The following ZDHHC22 variants were observed in gnomAD, a reference collection of about 807,000 sequenced individuals.
The protein encoded by ZDHHC22 is palmitoyltransferase ZDHHC22.
Under a neutral mutation model 17.0 loss-of-function variants are expected in ZDHHC22, and 13 were observed. That is an observed-to-expected ratio of 0.76 (90% CI 0.50 to 1.21). The LOEUF (loss-of-function observed/expected upper bound fraction) is 1.21. Ranked by LOEUF, ZDHHC22 falls within the 50% of genes most tolerant of loss-of-function variation. The pLI, the probability that ZDHHC22 is intolerant of heterozygous loss-of-function variation, is 0.00. For synonymous variants in ZDHHC22, 138 were observed against 154.7 expected, an observed-to-expected ratio of 0.89 and a Z score of 0.80; for missense variants, 319 against 342.3, an observed-to-expected ratio of 0.93 and a Z score of 0.54.
chr14:77,137,100 G>C (rs1887150370), intron 2 of ZDHHC22, among the ~76,000 whole-genome samples: 1 of 152,184 alleles, frequency 6.6e-6, no homozygotes. Context: ...TTCGGATTGA[G>C]GGTTGGGGAA....
intron 2 of ZDHHC22, among the ~76,000 whole-genome samples, chr14:77,138,992 A>G (rs1221176643): frequency 6.6e-6 from 1 of 152,268 alleles, no homozygotes; most frequent in African/African-American, 2.4e-5. Context: ...TGCATTTCAG[A>G]TAGCCAATAG....
intron 2 of ZDHHC22, among the ~76,000 whole-genome samples, chr14:77,135,186 C>G (rs534257774): frequency 5.3e-5 from 1 of 19,036 alleles, no homozygotes; most frequent in East Asian, 9.4e-3. Flanking sequence ...ATCACCTCCT[C>G]TGGTGGGGGG....
rs75165666 is a variant in ZDHHC22 at position 77,138,154 on chromosome 14, G to A, written c.526+1059C>T. Reference sequence around the variant, plus strand: ...GGGTAGGGAGGAAGTGGAAGGAAACGCAGTAGGAGCCAGTCTCAAGGCCAA... The same window carrying A: ...GGGTAGGGAGGAAGTGGAAGGAAACACAGTAGGAGCCAGTCTCAAGGCCAA... On this transcript the variant is annotated intron_variant, in intron 2 of 2. Coordinates refer to ENST00000319374, the MANE Select transcript of ZDHHC22 (RefSeq NM_174976.2). 2.1e-3 allele frequency among the ~76,000 whole-genome samples: 318 copies of A among 152,300 alleles called. 1 individual carries two copies. The highest frequency in any genetic ancestry group is 7.3e-3 in the African/African-American group (302 of 41,562).
Position 77,136,890 on chromosome 14 carries a change from C to T in ZDHHC22, c.526+2323G>A, listed in dbSNP as rs1358192839. 3.9e-5 allele frequency among the ~76,000 whole-genome samples: 6 copies of T among 152,232 alleles called. No individual in the cohort carries two copies. In the East Asian group the frequency reaches 1.2e-3, roughly 29 times the overall value. ...GGCTCAAGCAATTCTCTCACCTCAGCCTCCTGAGTAGCTGGGAAAACAGGC... is the reference window on the plus strand; with the variant it reads ...GGCTCAAGCAATTCTCTCACCTCAGTCTCCTGAGTAGCTGGGAAAACAGGC... On this transcript the variant is annotated intron_variant, in intron 2 of 2. Coordinates refer to ENST00000319374, the MANE Select transcript of ZDHHC22 (RefSeq NM_174976.2).
At position 77,139,707 on chromosome 14, in the gene ZDHHC22, G is replaced by T; in HGVS notation, c.32C>A (p.Ala11Asp). The T allele has an allele frequency of 6.6e-7, 1 of 1,522,210 alleles. No homozygotes were observed. Among genetic ancestry groups the T allele is most frequent in the Non-Finnish European group, 8.8e-7 (1 of 1,135,286 alleles). The allele number at this position is 1,522,210 out of a possible 1,614,324, so 94.3% of individuals were successfully genotyped here. A position where few individuals can be genotyped will look rare whatever the true frequency, so the allele number is the denominator to read the frequency against. MLALRLLNVV[A>D]PAYFLCISLV... ...GGAGATGCACAAGAAGTAGGCGGGG[G>T]CCACCACGTTGAGCAGCCGCAGGGC... The change falls in exon 2 of 3, where the codon GCC becomes GAC. Residue 11 changes from alanine to aspartate, a missense_variant. Physicochemically the swap from Ala to Asp is moderately radical, Grantham distance 126 (BLOSUM62 -2). Transcript: ENST00000319374.
rs1594832376 is a variant in ZDHHC22, at chr14:77,140,919, C to G, written c.-15+684G>C. On this transcript the variant is annotated intron_variant, in intron 1 of 2. Coordinates refer to ENST00000319374, the MANE Select transcript of ZDHHC22 (RefSeq NM_174976.2). The surrounding 1 kb of genome is among the most constrained non-coding windows in gnomAD (Gnocchi z 5.9). The stretch of plus-strand genomic sequence containing the variant: ...TTCCAGGGGCTAAGGAATCGGCCAG[C>G]CGGAGGCGCGAGAAAAGTTCTGGGA... The G allele has an allele frequency of 6.6e-6, 1 of 152,306 alleles. No individual in the cohort carries two copies. The highest frequency in any genetic ancestry group is 1.9e-4 in the East Asian group (1 of 5,166). The allele number at this position is 152,306 out of a possible 1,614,324, so 9.4% of individuals were successfully genotyped here.
At position 77,141,775 on chromosome 14, in the gene ZDHHC22, G is replaced by C. The variant is rs1887261626; in HGVS notation, c.-187C>G. On this transcript the variant is annotated 5_prime_UTR_variant, in exon 1 of 3. Coordinates refer to ENST00000319374, the MANE Select transcript of ZDHHC22 (RefSeq NM_174976.2). The stretch of plus-strand genomic sequence containing the variant: ...CGGGCAGCTGCTGGCTTCCCACTTG[G>C]GCGCCAGCGAGTAAGGGCCAGGAAG... 1 of 152,282 alleles carries C rather than the reference G, an allele frequency of 6.6e-6. No individual in the cohort carries two copies. The highest frequency in any genetic ancestry group is 1.5e-5 in the Non-Finnish European group (1 of 68,098). 9.4% of individuals were successfully genotyped at this position (152,282 alleles called of 1,614,324 possible).
At chr14:77,138,536 T>C (rs574900710) in intron 2 of ZDHHC22, among the ~76,000 whole-genome samples, 24 of 151,792 alleles carry the variant, frequency 1.6e-4, no homozygotes, top group African/African-American at 5.3e-4. Flanking sequence ...CGCTTCAGCC[T>C]GTGTGATGGA....
intron 2 of ZDHHC22, among the ~76,000 whole-genome samples, chr14:77,138,426 C>A (rs1887178846): frequency 6.6e-6 from 1 of 152,162 alleles, no homozygotes; most frequent in Non-Finnish European, 1.5e-5. Context: ...GGCGTGGTGG[C>A]ACGCACCTGT....
At chr14:77,138,131 G>T (rs529315601) in intron 2 of ZDHHC22, among the ~76,000 whole-genome samples, 13 of 152,348 alleles carry the variant, frequency 8.5e-5, no homozygotes, top group African/African-American at 3.1e-4. Flanking sequence ...AAAGGCCAGG[G>T]TAGGGAGGAA....
In ZDHHC22 at chr14:77,133,336, G is replaced by A. The variant is rs1358730705; in HGVS notation, c.*347C>T. ...TCCCAACATGGGGGCTGAGAGGAAG[G>A]GCTCTAGCAGACAGCAGTGATGAAT... On this transcript the variant is annotated 3_prime_UTR_variant, in exon 3 of 3. Transcript: ENST00000319374. The A allele has an allele frequency of 9.1e-6, 2 of 219,764 alleles. No homozygotes were observed. The highest frequency in any genetic ancestry group is 1.1e-4 in the Admixed American group (2 of 19,002). 13.6% of individuals were successfully genotyped at this position (219,764 alleles called of 1,614,324 possible). A position where few individuals can be genotyped will look rare whatever the true frequency, so the allele number is the denominator to read the frequency against.
rs1375141568 is a variant in ZDHHC22, at chr14:77,140,846, G to A, written c.-15+757C>T. On this transcript the variant is annotated intron_variant, in intron 1 of 2. Coordinates refer to ENST00000319374, the MANE Select transcript of ZDHHC22 (RefSeq NM_174976.2). This position sits in a 1 kb window ranked among gnomAD's most constrained non-coding sequence, Gnocchi z 5.9. ...GCCTCACAGCCGGGGTTCCTGGCCA[G>A]CTTCGGAAGCCACCGAGAAATAGGA... 6.6e-6 allele frequency: 1 copy of A among 152,244 alleles called. No individual in the cohort carries two copies. The highest frequency in any genetic ancestry group is 1.9e-4 in the East Asian group (1 of 5,188). 9.4% of individuals were successfully genotyped at this position (152,244 alleles called of 1,614,324 possible).
At chr14:77,142,266 C>T (rs1271487118), upstream of ZDHHC22, 1 of 152,236 alleles carries the variant, frequency 6.6e-6, no homozygotes, top group Non-Finnish European at 1.5e-5. Context: ...CCAGTGTGAT[C>T]TTAGATTCCA....
At position 77,139,624 on chromosome 14, in the gene ZDHHC22, C is replaced by T. The variant is rs1356859590; in HGVS notation, c.115G>A (p.Ala39Thr). Reference sequence around the variant, plus strand: ...GCGGGCGAGAAGAGCCGGGCGGCCGCGGGGTCCTCGCGCATGCTGGGCAGG... The same window carrying T: ...GCGGGCGAGAAGAGCCGGGCGGCCGTGGGGTCCTCGCGCATGCTGGGCAGG... ...LFLPSMREDPAAARLFSPALL... is the reference protein window; with the variant it reads ...LFLPSMREDPTAARLFSPALL... The change falls in exon 2 of 3, where the codon GCG (alanine) becomes ACG (threonine). Residue 39 changes from alanine to threonine, a missense_variant. Physicochemically the swap from Ala to Thr is moderately conservative, Grantham distance 58. Coordinates refer to ENST00000319374, the MANE Select transcript of ZDHHC22 (RefSeq NM_174976.2). 6.3e-7 allele frequency: 1 copy of T among 1,579,958 alleles called. No individual in the cohort carries two copies. The highest frequency in any genetic ancestry group is 8.6e-7 in the Non-Finnish European group (1 of 1,162,766).
chr14:77,132,061 ACTG>A lies in ZDHHC22; in HGVS notation c.*1619_*1621del, dbSNP rs1186478362. Reference sequence around the variant, plus strand: ...GGACATTGCAGGGCATGGATTCAGCACTGCTGCCTGCATGGATGTCATATTGGC... The same window carrying A: ...GGACATTGCAGGGCATGGATTCAGCACTGCCTGCATGGATGTCATATTGGC... On this transcript the variant is annotated 3_prime_UTR_variant, in exon 3 of 3. Transcript: ENST00000319374. The A allele has an allele frequency of 1.3e-5, 2 of 152,240 alleles. No individual in the cohort carries two copies. The highest frequency in any genetic ancestry group is 4.8e-5 in the African/African-American group (2 of 41,442). 9.4% of individuals were successfully genotyped at this position (152,240 alleles called of 1,614,324 possible). A position where few individuals can be genotyped will look rare whatever the true frequency, so the allele number is the denominator to read the frequency against.
chr14:77,138,615 GC>G (rs1427016903), intron 2 of ZDHHC22, among the ~76,000 whole-genome samples: 2 of 152,062 alleles, frequency 1.3e-5, no homozygotes, highest in African/African-American at 4.8e-5. Context: ...TCTGCTCTGA[GC>G]CATCAGCAGG....
At chr14:77,137,158 G>A (rs911315651) in intron 2 of ZDHHC22, among the ~76,000 whole-genome samples, 5 of 152,148 alleles carry the variant, frequency 3.3e-5, no homozygotes, top group African/African-American at 1.2e-4. Context: ...TGTATGTCAT[G>A]GGAGGGAAAG....
intron 2 of ZDHHC22, among the ~76,000 whole-genome samples, chr14:77,136,734 G>T (rs1359134316): frequency 6.6e-6 from 1 of 152,156 alleles, no homozygotes; most frequent in African/African-American, 2.4e-5. Flanking sequence ...ATCTGACTCA[G>T]ATCTGTACCA....
rs1449317389 is a variant in ZDHHC22, at chr14:77,140,074, G to T, written c.-14-322C>A. Among the ~76,000 whole-genome samples, 1 of 152,160 alleles carries T rather than the reference G, an allele frequency of 6.6e-6. No individual in the cohort carries two copies. The highest frequency in any genetic ancestry group is 1.5e-5 in the Non-Finnish European group (1 of 68,012). ...GTCTTTAGGAGTTGTGAGGGTGGGG[G>T]GCACCGGGGGATAGGACTCCTCCCC... On this transcript the variant is annotated intron_variant, in intron 1 of 2. Transcript: ENST00000319374. This position sits in a 1 kb window ranked among gnomAD's most constrained non-coding sequence, Gnocchi z 5.9.
Sources: allele counts gnomAD v4.1 joint callset (sites outside exome capture counted in the v4.1 genomes callset), GRCh38; gene constraint gnomAD v4.1.1; non-coding constraint Gnocchi (gnomAD v3.1); transcripts MANE v1.5; gene names NCBI Gene and HGNC (gene_info 2026-07-23, HGNC 2026-07-21).